Variants in EYA1 observed in about 807,000 individuals in gnomAD.
EYA1 encodes EYA transcriptional coactivator and phosphatase 1.
EYA1 carries 16 observed loss-of-function variants against 82.0 expected under a neutral mutation model. That is an observed-to-expected ratio of 0.20 (90% CI 0.13 to 0.30). The LOEUF (loss-of-function observed/expected upper bound fraction) is 0.30. Ranked by LOEUF, EYA1 falls within the 10% of genes least tolerant of loss-of-function variation. The pLI is 1.00. For synonymous variants in EYA1, 261 were observed against 264.4 expected, an observed-to-expected ratio of 0.99 and a Z score of 0.12; for missense variants, 633 against 730.7, an observed-to-expected ratio of 0.87 and a Z score of 1.54.
intron 7 of EYA1, among the ~76,000 whole-genome samples, chr8:71,303,989 G>A (rs910211351): frequency 3.5e-5 from 5 of 142,090 alleles, no homozygotes; most frequent in South Asian, 2.3e-4. Context: ...CCTCTTGCTC[G>A]ATTCTATATT....
chr8:71,536,867 A>T (rs1270769980), intron 1 of EYA1, among the ~76,000 whole-genome samples: 1 of 152,240 alleles, frequency 6.6e-6, no homozygotes, highest in East Asian at 1.9e-4. Flanking sequence ...TGACTCTGCC[A>T]CTAAACAGCT....
At chr8:71,207,616 G>A (rs1236517312) in intron 17 of EYA1, among the ~76,000 whole-genome samples, 1 of 152,126 alleles carries the variant, frequency 6.6e-6, no homozygotes, top group African/African-American at 2.4e-5. Context: ...GTTTTCTGCA[G>A]GTGGCTGCCT....
upstream of EYA1, among the ~76,000 whole-genome samples, chr8:71,365,891 A>T (rs7831075): frequency 6.6e-6 from 1 of 152,108 alleles, no homozygotes; most frequent in Non-Finnish European, 1.5e-5. Flanking sequence ...ATGTCTACCA[A>T]TATTTTGTGA....
chr8:71,523,196 T>TTTTTTTTTTTTTC (rs1813555835), intron 2 of EYA1, among the ~76,000 whole-genome samples: 1 of 145,152 alleles, frequency 6.9e-6, no homozygotes, highest in African/African-American at 2.5e-5. Flanking sequence ...TTTTTTTTTT[T>TTTTTTTTTTTTTC]GAGACGGAGT....
In EYA1 at chr8:71,467,573, A is replaced by G. The variant is rs531534332; in HGVS notation, c.33+68171T>C. Among the ~76,000 whole-genome samples the G allele has an allele frequency of 9.2e-5, 14 of 152,296 alleles. 1 individual carries two copies. In the South Asian group the frequency reaches 2.9e-3, roughly 32 times the overall value. ...TTTTCATGTCTCTAGGGTACTATTT[A>G]AAACTCACTATTTTGTAATTAATTT... On this transcript the variant is annotated intron_variant, in intron 2 of 18. Transcript: ENST00000643681.
At chr8:71,356,138 C>G (rs532369811) in intron 2 of EYA1, among the ~76,000 whole-genome samples, 1 of 152,240 alleles carries the variant, frequency 6.6e-6, no homozygotes, top group South Asian at 2.1e-4. Flanking sequence ...CATTTTACTT[C>G]TAAAGTGAGC....
intron 1 of EYA1, among the ~76,000 whole-genome samples, chr8:71,360,730 T>C (rs1053692998): frequency 2.6e-5 from 4 of 152,230 alleles, no homozygotes; most frequent in Admixed American, 1.3e-4. Context: ...AGACACATTA[T>C]AAAAACAATC....
intron 2 of EYA1, among the ~76,000 whole-genome samples, chr8:71,474,626 A>G (rs1809504646): frequency 6.6e-6 from 1 of 152,232 alleles, no homozygotes; most frequent in African/African-American, 2.4e-5. Flanking sequence ...TGTGAAAATT[A>G]TAATCTACTA....
intron 2 of EYA1, among the ~76,000 whole-genome samples, chr8:71,509,554 T>G (rs189694187): frequency 1.1e-3 from 160 of 152,306 alleles, no homozygotes; most frequent in African/African-American, 3.5e-3. Context: ...AAAAATGTAT[T>G]CTTTGGCACC....
intron 2 of EYA1, among the ~76,000 whole-genome samples, chr8:71,416,304 CTT>C (rs1210362506): frequency 2.6e-5 from 4 of 152,216 alleles, no homozygotes; most frequent in African/African-American, 9.6e-5. Flanking sequence ...TTGCCAGTCT[CTT>C]GATGCCTCTC....
intron 16 of EYA1, among the ~76,000 whole-genome samples, chr8:71,214,385 C>G (rs927774647): frequency 6.6e-6 from 1 of 152,130 alleles, no homozygotes; most frequent in African/African-American, 2.4e-5. Flanking sequence ...TCTCACTAGC[C>G]CATCTACCTG....
At position 71,240,469 on chromosome 8, in the gene EYA1, G is replaced by A. The variant is rs536197785; in HGVS notation, c.1140+4134C>T. Among the ~76,000 whole-genome samples the A allele has an allele frequency of 2.0e-5, 3 of 152,236 alleles. No homozygotes were observed. In the South Asian group the frequency reaches 6.2e-4, roughly 32 times the overall value. On this transcript the variant is annotated intron_variant, in intron 12 of 17. Transcript: ENST00000340726. ...GGAGAGGGGAGTTTAGAACAGCTTT[G>A]CTACTAACGGGGTGAGCGTGGTATG... is the stretch of plus-strand genomic sequence containing the variant.
rs766288763 is a variant in EYA1 at position 71,321,774 on chromosome 8, C to T, written c.378G>A (p.Thr126=). 14 of 1,614,036 alleles carry T rather than the reference C, an allele frequency of 8.7e-6. No individual in the cohort carries two copies. Among genetic ancestry groups the T allele is most frequent in the African/African-American group, 5.3e-5 (4 of 74,934 alleles). The part of the protein sequence containing the change: ...TGMQQATAYA[T]YPQPGQPYGI... ...CGTACGGCTGTCCTGGCTGTGGGTA[C>T]GTGGCATAGGCTGTAGCTTGTTGCA... The change falls in exon 6 of 18, where the codon ACG becomes ACA. Residue 126 remains threonine (T), a synonymous_variant. Transcript: ENST00000340726.
Position 71,317,907 on chromosome 8 carries a change from T to C in EYA1, c.419-218A>G, listed in dbSNP as rs1056202955. Among the ~76,000 whole-genome samples, 3 of 152,202 alleles carry C rather than the reference T, an allele frequency of 2.0e-5. No individual in the cohort carries two copies. The South Asian group carries it at 6.2e-4, about 32-fold the overall frequency. ...GAATGTCTATTCACATTATTCTCTCTTGTTTTATTGCACTTCAAGACATAT... is the reference window on the plus strand; with the variant it reads ...GAATGTCTATTCACATTATTCTCTCCTGTTTTATTGCACTTCAAGACATAT... On this transcript the variant is annotated intron_variant, in intron 6 of 17. Transcript: ENST00000340726.
intron 3 of EYA1, among the ~76,000 whole-genome samples, chr8:71,335,734 A>G (rs1031244451): frequency 1.3e-5 from 2 of 152,082 alleles, no homozygotes; most frequent in South Asian, 4.1e-4. Context: ...GCAGTATTTC[A>G]TTGCTAGCAC....
chr8:71,394,578 G>C (rs1017970954), intron 2 of EYA1, among the ~76,000 whole-genome samples: 12 of 152,066 alleles, frequency 7.9e-5, no homozygotes, highest in Non-Finnish European at 1.2e-4. Context: ...TTTTTGTCAG[G>C]GTTGTGAAAG....
intron 2 of EYA1, among the ~76,000 whole-genome samples, chr8:71,433,520 T>G (rs1241378124): frequency 2.6e-5 from 4 of 152,204 alleles, no homozygotes; most frequent in African/African-American, 9.6e-5. Context: ...CTTAGTGAGC[T>G]GCAATTTAAA....
chr8:71,443,050 C>T (rs6988054), intron 2 of EYA1, among the ~76,000 whole-genome samples: 7,825 of 152,172 alleles, frequency 0.051, 670 homozygotes, highest in African/African-American at 0.18. Context: ...AGAAGCACTA[C>T]TTATAGCAGA....
intron 2 of EYA1, among the ~76,000 whole-genome samples, chr8:71,509,229 A>AAAAT (rs751208748): frequency 6.6e-5 from 10 of 152,198 alleles, no homozygotes; most frequent in East Asian, 1.9e-4. Context: ...ACCCGGTCTC[A>AAAAT]AAATAAATAA....
Sources: allele counts gnomAD v4.1 joint callset (sites outside exome capture counted in the v4.1 genomes callset), GRCh38; gene constraint gnomAD v4.1.1; transcripts MANE v1.5; gene names NCBI Gene and HGNC (gene_info 2026-07-23, HGNC 2026-07-21).